Variants in MYO5B observed in about 807,000 individuals in gnomAD.
MYO5B encodes the protein unconventional myosin-Vb.
In MYO5B, 143 loss-of-function variants were observed where a neutral mutation model predicts 229.3. The observed-to-expected ratio is 0.62, with a 90% CI of 0.54 to 0.72. MYO5B has a LOEUF of 0.72. MYO5B is among the 30% of genes least tolerant of loss of function. The probability of loss-of-function intolerance (pLI) is 0.00; values close to 1 mark genes in which losing one functional copy is unlikely to be tolerated. For missense variants in MYO5B, 2,321 were observed against 2,331.0 expected (o/e 1.00, Z 0.09); for synonymous variants, 918 against 885.2 (o/e 1.04, Z -0.66).
At chr18:49,998,035 G>T (rs1442539518) in intron 5 of MYO5B, among the ~76,000 whole-genome samples, 1 of 152,112 alleles carries the variant, frequency 6.6e-6, no homozygotes, top group Non-Finnish European at 1.5e-5. Flanking sequence ...GTCCCAGATA[G>T]AGTCGACTTA....
chr18:50,019,384 A>G (rs553957797), intron 4 of MYO5B, among the ~76,000 whole-genome samples: 62 of 152,256 alleles, frequency 4.1e-4, no homozygotes, highest in African/African-American at 1.3e-3. Flanking sequence ...TTGGGATCCA[A>G]TCACACCTGT....
intron 1 of MYO5B, among the ~76,000 whole-genome samples, chr18:50,114,798 C>A (rs1184436968): frequency 6.6e-6 from 1 of 152,086 alleles, no homozygotes; most frequent in Non-Finnish European, 1.5e-5. Flanking sequence ...GCTGGTGTTA[C>A]CTCCACAGGT....
At chr18:50,018,118 T>C (rs1162039310) in intron 4 of MYO5B, among the ~76,000 whole-genome samples, 1 of 152,206 alleles carries the variant, frequency 6.6e-6, no homozygotes, top group South Asian at 2.1e-4. Context: ...CTGGCTGTCT[T>C]GTCCAGGCTG....
chr18:49,936,353 G>A lies in MYO5B; in HGVS notation c.1906-4C>T. ...GCAGATGCAGGGAGGTACGGAACTA[G>A]AGAGACAAAAGCCAGTGCTTGGTTA... On this transcript the variant is annotated splice_region_variant and splice_polypyrimidine_tract_variant and intron_variant, in intron 15 of 39. Transcript: ENST00000285039. The A allele has an allele frequency of 6.3e-7, 1 of 1,584,260 alleles. No homozygotes were observed. Among genetic ancestry groups the A allele is most frequent in the Non-Finnish European group, 8.6e-7 (1 of 1,162,300 alleles).
Position 49,906,633 on chromosome 18 carries a change from T to C in MYO5B, c.2203-3A>G. 6.2e-7 allele frequency: 1 copy of C among 1,612,942 alleles called. No individual in the cohort carries two copies. The highest frequency in any genetic ancestry group is 8.5e-7 in the Non-Finnish European group (1 of 1,179,186). On this transcript the variant is annotated splice_polypyrimidine_tract_variant and splice_region_variant and intron_variant, in intron 18 of 39. Transcript: ENST00000285039. ...CCAAACTGGAACTTGTCGGGGTCCT[T>C]TACAAGGTAGGGAGGGGATCTGGTT... is the stretch of plus-strand genomic sequence containing the variant.
chr18:49,882,400 T>C (rs113717719), intron 22 of MYO5B, among the ~76,000 whole-genome samples: 31 of 151,644 alleles, frequency 2.0e-4, no homozygotes, highest in African/African-American at 7.0e-4. Flanking sequence ...GAGACTGAGG[T>C]GGGCAGATAA....
chr18:50,124,770 C>T (rs1429562501), intron 1 of MYO5B, among the ~76,000 whole-genome samples: 1 of 152,002 alleles, frequency 6.6e-6, no homozygotes, highest in Non-Finnish European at 1.5e-5. Flanking sequence ...CCCCGCCCCA[C>T]CCCGCTTGAT....
At chr18:50,001,511 C>T in intron 4 of MYO5B, 100 bp from the exon 5 acceptor site, 1 of 1,394,734 alleles carries the variant, frequency 7.2e-7, no homozygotes, top group Non-Finnish European at 1.0e-6. Context: ...CTGGGAGCAT[C>T]TCTCCTACTT....
At chr18:49,957,846 T>C (rs1299643895) in intron 12 of MYO5B, among the ~76,000 whole-genome samples, 4 of 152,036 alleles carry the variant, frequency 2.6e-5, no homozygotes, top group African/African-American at 9.7e-5. Context: ...CAAATCACTG[T>C]ACCATAAATA....
chr18:49,937,192 G>T, intron 15 of MYO5B, 53 bp downstream of exon 15: 1 of 1,605,150 alleles, frequency 6.2e-7, no homozygotes, highest in Non-Finnish European at 8.5e-7. Context: ...CATCTACAGA[G>T]AGGCCAGCCC....
At chr18:49,984,191 G>A (rs1198207556) in intron 8 of MYO5B, among the ~76,000 whole-genome samples, 1 of 152,208 alleles carries the variant, frequency 6.6e-6, no homozygotes, top group Non-Finnish European at 1.5e-5. Context: ...GCCCCTGAAG[G>A]ACAGAGAACT....
In MYO5B at chr18:50,194,758, C is replaced by G; in HGVS notation, c.27+9G>C. On this transcript the variant is annotated intron_variant, in intron 1 of 39. Coordinates refer to ENST00000285039, the MANE Select transcript of MYO5B (RefSeq NM_001080467.3). ...GGCCCCGGGGCGCCTCCCTCGCGGCCGCGCTCACCTGGCTGTAGAGCTCGC... is the reference window on the plus strand; with the variant it reads ...GGCCCCGGGGCGCCTCCCTCGCGGCGGCGCTCACCTGGCTGTAGAGCTCGC... 1.4e-6 allele frequency: 2 copies of G among 1,481,170 alleles called. No individual in the cohort carries two copies. The highest frequency in any genetic ancestry group is 1.8e-6 in the Non-Finnish European group (2 of 1,120,494). 91.8% of individuals were successfully genotyped at this position (1,481,170 alleles called of 1,614,324 possible).
intron 1 of MYO5B, among the ~76,000 whole-genome samples, chr18:50,168,018 A>T (rs2032877488): frequency 6.6e-6 from 1 of 152,250 alleles, no homozygotes; most frequent in Non-Finnish European, 1.5e-5. Context: ...CACATAGGGC[A>T]GGTTCTATGA....
chr18:50,106,241 T>C (rs2031757663), intron 1 of MYO5B, among the ~76,000 whole-genome samples: 1 of 152,166 alleles, frequency 6.6e-6, no homozygotes, highest in South Asian at 2.1e-4. Context: ...CCTGTCCAGG[T>C]CTCACCTTTT....
chr18:50,189,841 G>A (rs910185251), intron 1 of MYO5B, among the ~76,000 whole-genome samples: 6 of 152,128 alleles, frequency 3.9e-5, no homozygotes, highest in Admixed American at 3.3e-4. Context: ...ATAGGTAAGG[G>A]ACTGTTAAAG....
chr18:50,179,372 A>C (rs58641767), intron 1 of MYO5B, among the ~76,000 whole-genome samples: 1 of 152,138 alleles, frequency 6.6e-6, no homozygotes, highest in Non-Finnish European at 1.5e-5. Context: ...TGATGGAAAC[A>C]TGGTTCCCAG....
At chr18:49,871,729 G>A (rs145674678) in intron 27 of MYO5B, 135 of 249,026 alleles carry the variant, frequency 5.4e-4, no homozygotes, top group African/African-American at 2.7e-3. Context: ...ACATTACCAC[G>A]TCTTTGAGGA....
At chr18:49,957,897 C>G (rs2025513987) in intron 12 of MYO5B, among the ~76,000 whole-genome samples, 1 of 151,892 alleles carries the variant, frequency 6.6e-6, no homozygotes, top group African/African-American at 2.4e-5. Flanking sequence ...CCCTCTGGCC[C>G]CTCCCCTCTT....
At chr18:49,962,854 G>T (rs1247078258) in intron 11 of MYO5B, 95 bp downstream of exon 11, 37 of 1,070,618 alleles carry the variant, frequency 3.5e-5, no homozygotes, top group Non-Finnish European at 5.1e-5. Context: ...CGTAGCCAGG[G>T]CCCACCCACC....
Sources: allele counts gnomAD v4.1 joint callset (sites outside exome capture counted in the v4.1 genomes callset), GRCh38; gene constraint gnomAD v4.1.1; transcripts MANE v1.5; gene names NCBI Gene and HGNC (gene_info 2026-07-23, HGNC 2026-07-21).